The following RRBP1 variants were observed in gnomAD, a reference collection of about 807,000 sequenced individuals.
RRBP1 encodes ribosome-binding protein 1.
Under a neutral mutation model 165.2 loss-of-function variants are expected in RRBP1, and 94 were observed. That is an observed-to-expected ratio of 0.57 (90% CI 0.48 to 0.68). The LOEUF (loss-of-function observed/expected upper bound fraction) is 0.68, where lower values mean the gene tolerates loss of function less well. RRBP1 is among the 30% of genes least tolerant of loss of function. RRBP1 has a pLI of 0.00. For synonymous variants in RRBP1, 680 were observed against 714.5 expected (o/e 0.95, Z 0.77); for missense variants, 1,676 against 1,763.0 (o/e 0.95, Z 0.88).
intron 16 of RRBP1, 73 bp from the exon 17 acceptor site, chr20:17,620,880 C>T: frequency 9.0e-7 from 1 of 1,110,720 alleles, no homozygotes. Flanking sequence ...ATCTTCCTGT[C>T]CCTGCAGCCC....
At chr20:17,665,000 T>C (rs369974170) in intron 2 of RRBP1, among the ~76,000 whole-genome samples, 37 of 152,290 alleles carry the variant, frequency 2.4e-4, no homozygotes, top group African/African-American at 8.9e-4. Flanking sequence ...AAGAAAAATA[T>C]GAACATCCAT....
chr20:17,680,138 TCAAGA>T (rs1267343924), intron 1 of RRBP1, 63 bp from the exon 2 acceptor site: 1 of 151,972 alleles, frequency 6.6e-6, no homozygotes, highest in African/African-American at 2.4e-5. Context: ...CGTAAACGAG[TCAAGA>T]CATCACACAG....
At chr20:17,627,482 T>A in intron 10 of RRBP1, 22 bp downstream of exon 10, 1 of 1,605,902 alleles carries the variant, frequency 6.2e-7, no homozygotes, top group Non-Finnish European at 8.5e-7. Context: ...TTCCTCCCCG[T>A]GGCCCCAGGC....
At chr20:17,626,001 G>A (rs554431218) in intron 11 of RRBP1, among the ~76,000 whole-genome samples, 3 of 152,278 alleles carry the variant, frequency 2.0e-5, no homozygotes, top group East Asian at 1.9e-4. Flanking sequence ...AGACTCCGAG[G>A]AAGAGGTGTC....
chr20:17,653,438 T>C (rs988851813), intron 3 of RRBP1, among the ~76,000 whole-genome samples: 6 of 152,236 alleles, frequency 3.9e-5, no homozygotes, highest in Non-Finnish European at 8.8e-5. Flanking sequence ...GAAATGTCCC[T>C]GGAGCCCGTC....
At chr20:17,664,462 A>T (rs559715002) in intron 2 of RRBP1, among the ~76,000 whole-genome samples, 1 of 152,372 alleles carries the variant, frequency 6.6e-6, no homozygotes, top group South Asian at 2.1e-4. Flanking sequence ...TAACATACTC[A>T]GACTGTAAGA....
Position 17,658,868 on chromosome 20 carries a change from C to T in RRBP1, c.1640G>A (p.Gly547Asp), listed in dbSNP as rs2036694945. ...ATTAGCAACCGAATCTGCCTTTTTGCCCTGGATGGGAGCTCCCTCTCCTTT... is the reference window on the plus strand; with the variant it reads ...ATTAGCAACCGAATCTGCCTTTTTGTCCTGGATGGGAGCTCCCTCTCCTTT... ...GKKGEGAPIQ[G>D]KKADSVANQG... is the part of the protein sequence containing the mutation. The change falls in exon 3 of 25, where the codon GGC becomes GAC. Residue 547 changes from glycine to aspartate, a missense_variant. This residue lies in a region of RRBP1 where 1,184 missense variants were observed against 1,167.1 expected (regional missense o/e 1.01). Transcript: ENST00000377813. The T allele has an allele frequency of 2.5e-6, 4 of 1,613,728 alleles. No homozygotes were observed. Among genetic ancestry groups the T allele is most frequent in the Non-Finnish European group, 3.4e-6 (4 of 1,179,914 alleles).
intron 8 of RRBP1, among the ~76,000 whole-genome samples, chr20:17,631,261 T>C (rs1459617402): frequency 2.0e-5 from 3 of 152,220 alleles, no homozygotes; most frequent in African/African-American, 7.2e-5. Flanking sequence ...TCGACCAGGA[T>C]ACATAGGGCA....
chr20:17,679,280 C>G (rs2037136505), intron 2 of RRBP1, among the ~76,000 whole-genome samples: 1 of 152,222 alleles, frequency 6.6e-6, no homozygotes, highest in Non-Finnish European at 1.5e-5. Flanking sequence ...AATGAGACAG[C>G]TGGGAATAGT....
At chr20:17,648,339 C>T (rs1488594648) in intron 3 of RRBP1, among the ~76,000 whole-genome samples, 9 of 152,260 alleles carry the variant, frequency 5.9e-5, no homozygotes, top group Admixed American at 5.9e-4. Context: ...CAAACTGCGA[C>T]TCCTGCTCTC....
In RRBP1 at chr20:17,635,562, T is replaced by C; in HGVS notation, c.2440A>G (p.Ser814Gly). The C allele has an allele frequency of 6.2e-7, 1 of 1,611,720 alleles. No homozygotes were observed. The highest frequency in any genetic ancestry group is 8.5e-7 in the Non-Finnish European group (1 of 1,179,188). The change falls in exon 7 of 25, where the codon AGC becomes GGC. Residue 814 changes from serine to glycine, a missense_variant. Ser to Gly is a moderately conservative substitution (Grantham distance 56, BLOSUM62 0). Transcript: ENST00000377813. Reference protein sequence around the residue: ...ILRDALNQATSQVESKQNAEL... With the variant: ...ILRDALNQATGQVESKQNAEL... ...TCAGCTTACTTGCTCTCCACCTGGC[T>C]CGTGGCCTGGTTCAAGGCATCCCGC... is the stretch of plus-strand genomic sequence containing the variant.
rs533491404 is a variant in RRBP1, at chr20:17,615,879, G to A, written c.3951+47C>T. The stretch of plus-strand genomic sequence containing the variant: ...GACCCACTCATTCCCTGGAGACTCA[G>A]GGCCCAGGGGCTGATGGGGGCTGAG... On this transcript the variant is annotated intron_variant, in intron 22 of 24. Coordinates refer to ENST00000377813, the MANE Select transcript of RRBP1 (RefSeq NM_001365613.2). 765 of 1,525,706 alleles carry A rather than the reference G, an allele frequency of 5.0e-4. 17 individuals carry two copies. The South Asian group carries it at 8.2e-3, about 16-fold the overall frequency. The allele number at this position is 1,525,706 out of a possible 1,614,324, so 94.5% of individuals were successfully genotyped here. A position where few individuals can be genotyped will look rare whatever the true frequency, so the allele number is the denominator to read the frequency against.
At position 17,627,664 on chromosome 20, in the gene RRBP1, T is replaced by C. The variant is rs1220236564; in HGVS notation, c.2768A>G (p.Gln923Arg). 7 of 1,606,348 alleles carry C rather than the reference T, an allele frequency of 4.4e-6. No homozygotes were observed. Among genetic ancestry groups the C allele is most frequent in the South Asian group, 1.1e-5 (1 of 90,252 alleles). Residue 923 changes from glutamine to arginine, a missense_variant, in exon 10 of 25, where the codon CAG becomes CGG. This residue lies in a region of RRBP1 where 1,184 missense variants were observed against 1,167.1 expected (regional missense o/e 1.01). Transcript: ENST00000377813. ...GCTGCGCACCTCCGCCTCGGAGGACTGTAACTTGCTGTGCAGCTCTGGTGC... is the reference window on the plus strand; with the variant it reads ...GCTGCGCACCTCCGCCTCGGAGGACCGTAACTTGCTGTGCAGCTCTGGTGC... ...QQMAELHSKL[Q>R]SSEAEVRSKC...
chr20:17,633,535 C>T lies in RRBP1; in HGVS notation c.2535G>A (p.Val845=). 1.2e-6 allele frequency: 2 copies of T among 1,614,078 alleles called. No individual in the cohort carries two copies. The highest frequency in any genetic ancestry group is 1.7e-6 in the Non-Finnish European group (2 of 1,180,042). ...SKELVEKSEA[V]RQDEQQRKAL... ...CTTTCCGCTGCTGCTCATCTTGCCG[C>T]ACAGCCTCTGACTTCTCCACCAGCT... The change falls in exon 8 of 25, where the codon GTG becomes GTA. Residue 845 remains valine, a synonymous_variant. Coordinates refer to ENST00000377813, the MANE Select transcript of RRBP1 (RefSeq NM_001365613.2).
At chr20:17,655,610 C>T (rs2036632208) in intron 3 of RRBP1, among the ~76,000 whole-genome samples, 1 of 152,078 alleles carries the variant, frequency 6.6e-6, no homozygotes, top group Admixed American at 6.5e-5. Flanking sequence ...TGGGGTGGTC[C>T]GAGGGACACC....
intron 2 of RRBP1, among the ~76,000 whole-genome samples, chr20:17,674,054 C>CTTAA (rs2037028300): frequency 6.6e-6 from 1 of 152,208 alleles, no homozygotes; most frequent in Non-Finnish European, 1.5e-5. Context: ...CAGGATCAGA[C>CTTAA]TTAATTAAAA....
At chr20:17,634,182 C>G (rs916963111) in intron 7 of RRBP1, among the ~76,000 whole-genome samples, 7 of 152,240 alleles carry the variant, frequency 4.6e-5, no homozygotes, top group Admixed American at 1.3e-4. Context: ...GGAGGCCTGC[C>G]TTTCCAGCGT....
rs113678982 is a variant in RRBP1, at chr20:17,646,914, C to A, written c.1913-3787G>T. Reference sequence around the variant, plus strand: ...TCATGAGACTCAGCGGCCAGCCCCCCACATCAGCTGCTGGAGCACCCCTGC... The same window carrying A: ...TCATGAGACTCAGCGGCCAGCCCCCAACATCAGCTGCTGGAGCACCCCTGC... On this transcript the variant is annotated intron_variant, in intron 3 of 24. Coordinates refer to ENST00000377813, the MANE Select transcript of RRBP1 (RefSeq NM_001365613.2). 4.0e-3 allele frequency among the ~76,000 whole-genome samples: 608 copies of A among 152,318 alleles called. 9 individuals carry two copies. The highest frequency in any genetic ancestry group is 0.014 in the African/African-American group (570 of 41,564).
chr20:17,634,564 C>T (rs917036902), intron 7 of RRBP1, among the ~76,000 whole-genome samples: 22 of 152,228 alleles, frequency 1.4e-4, no homozygotes, highest in Non-Finnish European at 2.9e-4. Context: ...AAACACATCC[C>T]GCTGCTGAGA....
Sources: gnomAD v4.1 joint callset for allele counts (sites outside exome capture counted in the v4.1 genomes callset) on GRCh38, gnomAD v4.1.1 for gene constraint, gnomAD v4.1.1 regional missense constraint, MANE v1.5 for transcripts, NCBI Gene and HGNC (gene_info 2026-07-23, HGNC 2026-07-21) for gene names.